Variants in DENND6A observed in about 807,000 individuals in gnomAD.
DENND6A encodes DENN domain containing 6A.
In DENND6A, 43 loss-of-function variants were observed where a neutral mutation model predicts 95.5. That is an observed-to-expected ratio of 0.45 (90% CI 0.35 to 0.58). DENND6A has a LOEUF of 0.58. Among genes scored for constraint, DENND6A ranks in the 20% least tolerant of loss-of-function variants. The pLI, the probability that DENND6A is intolerant of heterozygous loss-of-function variation, is 0.00. For missense variants in DENND6A, 574 were observed against 736.0 expected, an observed-to-expected ratio of 0.78 and a Z score of 2.55; for synonymous variants, 257 against 260.4, an observed-to-expected ratio of 0.99 and a Z score of 0.13.
At chr3:57,656,321 G>C (rs2071324713) in intron 9 of DENND6A, among the ~76,000 whole-genome samples, 1 of 152,082 alleles carries the variant, frequency 6.6e-6, no homozygotes, top group Non-Finnish European at 1.5e-5. Flanking sequence ...AATGCTTTTG[G>C]AAGTCTTTCA....
intron 18 of DENND6A, 98 bp from the exon 19 acceptor site, chr3:57,628,983 GA>G: frequency 1.9e-6 from 2 of 1,035,192 alleles, no homozygotes; most frequent in South Asian, 1.6e-5. Flanking sequence ...AGACAAGAAG[GA>G]AAAGGAGAAC....
intron 12 of DENND6A, among the ~76,000 whole-genome samples, chr3:57,640,239 A>G (rs1001121212): frequency 2.7e-5 from 4 of 150,738 alleles, no homozygotes; most frequent in African/African-American, 9.7e-5. Flanking sequence ...ACTGCACTCC[A>G]GCCTGGGTGA....
intron 9 of DENND6A, among the ~76,000 whole-genome samples, chr3:57,649,922 T>C (rs9311657): frequency 2.2e-3 from 327 of 148,518 alleles, no homozygotes; most frequent in African/African-American, 7.3e-3. Flanking sequence ...TGTATATATA[T>C]ACACACACAC....
chr3:57,687,404 G>C (rs1043285159), intron 1 of DENND6A, among the ~76,000 whole-genome samples: 1 of 152,214 alleles, frequency 6.6e-6, no homozygotes, highest in Admixed American at 6.5e-5. Context: ...GCAGGAGTTG[G>C]TTCATGAGGT....
intron 4 of DENND6A, 110 bp from the exon 5 acceptor site, chr3:57,663,826 C>T: frequency 1.8e-6 from 1 of 544,810 alleles, no homozygotes; most frequent in Non-Finnish European, 3.0e-6. Context: ...CTTTATAAAC[C>T]CAAATCAAGA....
At position 57,628,791 on chromosome 3, in the gene DENND6A, T is replaced by C. The variant is rs2070590966; in HGVS notation, c.1695+20A>G. 1.2e-6 allele frequency: 2 copies of C among 1,604,942 alleles called. No homozygotes were observed. Among genetic ancestry groups the C allele is most frequent in the African/African-American group, 1.3e-5 (1 of 74,476 alleles). On this transcript the variant is annotated intron_variant, in intron 19 of 19. Coordinates refer to ENST00000311128, the MANE Select transcript of DENND6A (RefSeq NM_152678.3). ...TTCAAAGAAAAGTCAATTTAATCTT[T>C]GGCTGTTTTGGCTACATACCAGCTT...
intron 9 of DENND6A, among the ~76,000 whole-genome samples, chr3:57,650,510 A>G (rs2071184094): frequency 1.3e-5 from 2 of 152,102 alleles, no homozygotes; most frequent in South Asian, 4.1e-4. Flanking sequence ...ATGATATCTC[A>G]ATATCAATAA....
chr3:57,664,130 GTTTTA>G (rs2071488538), intron 4 of DENND6A, among the ~76,000 whole-genome samples: 2 of 152,082 alleles, frequency 1.3e-5, no homozygotes, highest in South Asian at 4.1e-4. Flanking sequence ...TTTCTCCAAT[GTTTTA>G]TTTAGTTTCT....
intron 4 of DENND6A, among the ~76,000 whole-genome samples, chr3:57,664,394 T>C (rs553442250): frequency 2.0e-5 from 3 of 152,364 alleles, no homozygotes; most frequent in African/African-American, 7.2e-5. Context: ...GAGTAAACTT[T>C]GGCTCAGTTC....
chr3:57,679,675 T>C (rs2077143631), intron 1 of DENND6A: 1 of 502,094 alleles, frequency 2.0e-6, no homozygotes, highest in Non-Finnish European at 2.6e-6. Context: ...GGGTGTACCT[T>C]CCACATCAAT....
At chr3:57,661,314 C>T in intron 6 of DENND6A, 132 bp downstream of exon 6, 1 of 679,628 alleles carries the variant, frequency 1.5e-6, no homozygotes, top group Non-Finnish European at 2.3e-6. Context: ...TAGTTTTATA[C>T]CTTTCTCCTA....
chr3:57,683,445 T>C (rs906432942), intron 1 of DENND6A, among the ~76,000 whole-genome samples: 1 of 152,164 alleles, frequency 6.6e-6, no homozygotes, highest in Non-Finnish European at 1.5e-5. Context: ...AACCCTACCT[T>C]CAGGAAATCC....
At chr3:57,672,469 A>G (rs989535596) in intron 1 of DENND6A, 31 bp from the exon 2 acceptor site, 1 of 1,598,964 alleles carries the variant, frequency 6.3e-7, no homozygotes, top group Admixed American at 1.7e-5. Flanking sequence ...TTTGTTAAAC[A>G]TATTATAAAC....
At chr3:57,683,299 C>T (rs1168468418) in intron 1 of DENND6A, among the ~76,000 whole-genome samples, 1 of 152,162 alleles carries the variant, frequency 6.6e-6, no homozygotes, top group African/African-American at 2.4e-5. Flanking sequence ...TAAATAATTA[C>T]AATTGCTAAC....
chr3:57,692,277 G>T (rs1390310371), intron 1 of DENND6A, among the ~76,000 whole-genome samples: 1 of 150,500 alleles, frequency 6.6e-6, no homozygotes, highest in Non-Finnish European at 1.5e-5. Context: ...AAGGAGGAAA[G>T]GGAGAAAATG....
rs995389831 is a variant in DENND6A at position 57,626,060 on chromosome 3, A to C, written c.*2154T>G. ...TCCCAGAAAGTTATGAAATACTTTTAGCATATAAAAGTAGTTGCTCCTTTT... is the reference window on the plus strand; with the variant it reads ...TCCCAGAAAGTTATGAAATACTTTTCGCATATAAAAGTAGTTGCTCCTTTT... On this transcript the variant is annotated 3_prime_UTR_variant, in exon 20 of 20. Coordinates refer to ENST00000311128, the MANE Select transcript of DENND6A (RefSeq NM_152678.3). The C allele has an allele frequency of 2.6e-5, 4 of 152,668 alleles. No homozygotes were observed. The highest frequency in any genetic ancestry group is 9.6e-5 in the African/African-American group (4 of 41,456). 9.5% of individuals were successfully genotyped at this position (152,668 alleles called of 1,614,324 possible). A position where few individuals can be genotyped will look rare whatever the true frequency, so the allele number is the denominator to read the frequency against.
At chr3:57,687,337 T>C (rs1029819882) in intron 1 of DENND6A, among the ~76,000 whole-genome samples, 2 of 152,188 alleles carry the variant, frequency 1.3e-5, no homozygotes, top group Non-Finnish European at 2.9e-5. Flanking sequence ...GCAACTCTTT[T>C]CAATTCTGTT....
At chr3:57,686,707 A>T (rs1468531593) in intron 1 of DENND6A, among the ~76,000 whole-genome samples, 1 of 152,216 alleles carries the variant, frequency 6.6e-6, no homozygotes. Flanking sequence ...CCATGCCCAT[A>T]TAAGATGGCA....
intron 18 of DENND6A, among the ~76,000 whole-genome samples, chr3:57,630,121 C>T (rs1351335067): frequency 6.6e-6 from 1 of 152,214 alleles, no homozygotes; most frequent in African/African-American, 2.4e-5. Flanking sequence ...CTCCAGCACA[C>T]TGTTGGCTCC....
Sources: gnomAD v4.1 joint callset for allele counts (sites outside exome capture counted in the v4.1 genomes callset) on GRCh38, gnomAD v4.1.1 for gene constraint, MANE v1.5 for transcripts, NCBI Gene and HGNC (gene_info 2026-07-23, HGNC 2026-07-21) for gene names.